The following FARP1 variants were observed in gnomAD, a reference collection of about 807,000 sequenced individuals.
FARP1 encodes FERM, ARHGEF and pleckstrin domain-containing protein 1.
FARP1 carries 52 observed loss-of-function variants against 128.8 expected under a neutral mutation model. The ratio of observed to expected loss-of-function variants is 0.40; its 90% CI spans 0.32 to 0.51. FARP1 has a LOEUF of 0.51. FARP1 is among the 20% of genes least tolerant of loss of function. The probability of loss-of-function intolerance (pLI) is 0.45; values close to 1 mark genes in which losing one functional copy is unlikely to be tolerated. For missense variants in FARP1, 1,333 were observed against 1,367.9 expected, an observed-to-expected ratio of 0.97 and a Z score of 0.40; for synonymous variants, 580 against 551.8, an observed-to-expected ratio of 1.05 and a Z score of -0.72.
At position 98,446,158 on chromosome 13, in the gene FARP1, T is replaced by C. The variant is rs1253094636; in HGVS notation, c.2857T>C (p.Trp953Arg). The change falls in exon 25 of 27, where the codon TGG becomes CGG. Residue 953 changes from tryptophan to arginine, a missense_variant. By Grantham distance (101) the Trp-to-Arg change is moderately radical. Coordinates refer to ENST00000319562, the MANE Select transcript of FARP1 (RefSeq NM_005766.4). Reference protein sequence around the residue: ...FKNSNGWQKLWVVFTNFCLFF... With the variant: ...FKNSNGWQKLRVVFTNFCLFF... ...AAACAGCAACGGGTGGCAGAAGCTG[T>C]GGGTGGTGTTCACAAACTTCTGCCT... The C allele has an allele frequency of 2.5e-6, 4 of 1,613,878 alleles. No homozygotes were observed. The Admixed American group carries it at 6.7e-5, about 27-fold the overall frequency.
chr13:98,401,415 A>AACACACACACACACAGAC (rs1555291945), intron 13 of FARP1: 48 of 130,862 alleles, frequency 3.7e-4, no homozygotes, highest in African/African-American at 1.2e-3. Context: ...ATAATGACAA[A>AACACACACACACACAGAC]ACACACACAC....
At chr13:98,299,523 C>T (rs965508669) in intron 2 of FARP1, among the ~76,000 whole-genome samples, 6 of 152,134 alleles carry the variant, frequency 3.9e-5, no homozygotes, top group African/African-American at 1.4e-4. Context: ...AAGCCTTGAG[C>T]AATTGTGTGT....
At chr13:98,245,214 A>G (rs953254990) in intron 2 of FARP1, 1 of 985,630 alleles carries the variant, frequency 1.0e-6, no homozygotes, top group Non-Finnish European at 1.2e-6. Flanking sequence ...TGAGAAATCT[A>G]CAGTAATTTT....
Position 98,217,590 on chromosome 13 carries a change from C to T in FARP1, c.171+4177C>T, listed in dbSNP as rs144017743. 2.3e-3 allele frequency among the ~76,000 whole-genome samples: 353 copies of T among 152,304 alleles called. 1 individual carries two copies. Among genetic ancestry groups the T allele is most frequent in the African/African-American group, 7.8e-3 (324 of 41,558 alleles). On this transcript the variant is annotated intron_variant, in intron 2 of 26. Coordinates refer to ENST00000319562, the MANE Select transcript of FARP1 (RefSeq NM_005766.4). ...AGGATCAAGTGTGGGCTTCGTAGCT[C>T]GGGGAGCCTGGGAGAGAGCAATGAG...
intron 2 of FARP1, among the ~76,000 whole-genome samples, chr13:98,237,226 C>T (rs775630171): frequency 6.6e-6 from 1 of 151,736 alleles, no homozygotes; most frequent in African/African-American, 2.4e-5. Flanking sequence ...ATCGCTTGAA[C>T]CTGGGATGCG....
chr13:98,263,311 C>T lies in FARP1; in HGVS notation c.171+49898C>T, dbSNP rs116177982. Among the ~76,000 whole-genome samples, 762 of 152,214 alleles carry T rather than the reference C, an allele frequency of 5.0e-3. 10 individuals are homozygous for T. Among genetic ancestry groups the T allele is most frequent in the African/African-American group, 0.011 (455 of 41,536 alleles). ...GCATGAGCCACCACGCCCGGCCACA[C>T]TACTTTTATTTATAATGTTTATGTT... On this transcript the variant is annotated intron_variant, in intron 2 of 26. Transcript: ENST00000319562.
intron 1 of FARP1, among the ~76,000 whole-genome samples, chr13:98,178,526 A>G (rs1464951700): frequency 6.6e-6 from 1 of 151,792 alleles, no homozygotes; most frequent in East Asian, 1.9e-4. Flanking sequence ...TTTTTTCTTG[A>G]GTTTATCTTC....
At chr13:98,230,191 A>G (rs192840829) in intron 2 of FARP1, among the ~76,000 whole-genome samples, 1 of 152,356 alleles carries the variant, frequency 6.6e-6, no homozygotes, top group East Asian at 1.9e-4. Context: ...GGTAATTTTA[A>G]TAATTACATG....
At chr13:98,165,474 A>G (rs1877180916) in intron 1 of FARP1, among the ~76,000 whole-genome samples, 1 of 151,940 alleles carries the variant, frequency 6.6e-6, no homozygotes, top group Non-Finnish European at 1.5e-5. Context: ...ACCAATTCAG[A>G]GTTCAGGACA....
intron 3 of FARP1, among the ~76,000 whole-genome samples, chr13:98,358,470 A>G (rs1394101404): frequency 6.6e-6 from 1 of 152,094 alleles, no homozygotes; most frequent in Non-Finnish European, 1.5e-5. Context: ...CTGTTACTCT[A>G]TTTTGACCGG....
rs530310179 is a variant in FARP1 at position 98,329,253 on chromosome 13, C to A, written c.172-14509C>A. 2.6e-5 allele frequency: 4 copies of A among 152,346 alleles called. No homozygotes were observed. In the East Asian group the frequency reaches 7.7e-4, roughly 29 times the overall value. The allele number at this position is 152,346 out of a possible 1,614,324, so 9.4% of individuals were successfully genotyped here. A position where few individuals can be genotyped will look rare whatever the true frequency, so the allele number is the denominator to read the frequency against. On this transcript the variant is annotated intron_variant, in intron 2 of 26. Transcript: ENST00000319562. ...TTCCCTATCGAAAGAATGTCATCTT[C>A]TATTTTCTCTGTTTCTTTTAAGCTT...
rs547275063 is a variant in FARP1 at position 98,187,692 on chromosome 13, T to G, written c.-23-25528T>G. On this transcript the variant is annotated intron_variant, in intron 1 of 26. Transcript: ENST00000319562. ...ATGGTTATAGCTGAGTGGAAATCATTTGAGTCCAGAAGTTGCTGGATTACC... is the reference window on the plus strand; with the variant it reads ...ATGGTTATAGCTGAGTGGAAATCATGTGAGTCCAGAAGTTGCTGGATTACC... Among the ~76,000 whole-genome samples the G allele has an allele frequency of 2.6e-5, 4 of 152,308 alleles. No individual in the cohort carries two copies. In the South Asian group the frequency reaches 8.3e-4, roughly 32 times the overall value.
intron 10 of FARP1, 61 bp from the exon 11 acceptor site, chr13:98,390,751 G>T (rs1259896999): frequency 3.2e-6 from 4 of 1,241,430 alleles, no homozygotes; most frequent in Admixed American, 1.7e-5. Context: ...AGCATCATTT[G>T]TGTGTTTAAA....
intron 14 of FARP1, 60 bp from the exon 15 acceptor site, chr13:98,410,674 C>T (rs770526756): frequency 1.2e-4 from 92 of 799,602 alleles, no homozygotes; most frequent in Non-Finnish European, 1.8e-4. Context: ...TGAGGACATT[C>T]TCCGAGACGC....
At chr13:98,197,456 A>G (rs1271977060) in intron 1 of FARP1, among the ~76,000 whole-genome samples, 1 of 151,842 alleles carries the variant, frequency 6.6e-6, no homozygotes, top group Non-Finnish European at 1.5e-5. Context: ...ACAAGAGCAA[A>G]ACTCCATCTC....
chr13:98,390,315 A>C (rs1467984671), intron 10 of FARP1, among the ~76,000 whole-genome samples, 195 bp downstream of exon 10: 1 of 152,236 alleles, frequency 6.6e-6, no homozygotes, highest in Non-Finnish European at 1.5e-5. Context: ...AAAGCCACCC[A>C]GTCATGGTAA....
chr13:98,344,073 G>A (rs1888080539), intron 3 of FARP1, among the ~76,000 whole-genome samples: 1 of 152,154 alleles, frequency 6.6e-6, no homozygotes, highest in South Asian at 2.1e-4. Flanking sequence ...ATCACATGTG[G>A]CCAAGGGCTA....
intron 1 of FARP1, among the ~76,000 whole-genome samples, chr13:98,168,184 T>C (rs554154664): frequency 7.0e-6 from 1 of 142,052 alleles, no homozygotes; most frequent in East Asian, 2.0e-4. Context: ...AAAAAAAAAA[T>C]AAAATAAATA....
chr13:98,157,492 C>T (rs1876574488), intron 1 of FARP1, among the ~76,000 whole-genome samples: 2 of 152,152 alleles, frequency 1.3e-5, no homozygotes, highest in Admixed American at 6.5e-5. Flanking sequence ...AGGCTAACGT[C>T]TCCTCCCGGG....
Sources: allele counts gnomAD v4.1 joint callset (sites outside exome capture counted in the v4.1 genomes callset), GRCh38; gene constraint gnomAD v4.1.1; transcripts MANE v1.5; gene names NCBI Gene and HGNC (gene_info 2026-07-23, HGNC 2026-07-21).